Variants in RAD54L2 observed in about 807,000 individuals in gnomAD.
The protein encoded by RAD54L2 is helicase ARIP4.
RAD54L2 carries 27 observed loss-of-function variants against 138.4 expected under a neutral mutation model. That is an observed-to-expected ratio of 0.20 (90% CI 0.14 to 0.27). RAD54L2 has a LOEUF of 0.27. RAD54L2 is among the 10% of genes least tolerant of loss of function. The pLI is 1.00. For synonymous variants in RAD54L2, 644 were observed against 723.2 expected (o/e 0.89, Z 1.76); for missense variants, 1,396 against 1,890.2 (o/e 0.74, Z 4.85).
At chr3:51,600,063 GGACT>G (rs1700047767) in intron 3 of RAD54L2, among the ~76,000 whole-genome samples, 1 of 152,002 alleles carries the variant, frequency 6.6e-6, no homozygotes, top group Non-Finnish European at 1.5e-5. Context: ...CAAGTAGCTG[GGACT>G]GACTATGGGC....
chr3:51,612,708 AAC>A (rs1357624341), intron 3 of RAD54L2, among the ~76,000 whole-genome samples: 1 of 148,458 alleles, frequency 6.7e-6, no homozygotes, highest in East Asian at 2.0e-4. Context: ...AAAAAAAAAA[AAC>A]CTGTAATTTT....
At chr3:51,572,891 G>C (rs992361253) in intron 2 of RAD54L2, among the ~76,000 whole-genome samples, 3 of 151,858 alleles carry the variant, frequency 2.0e-5, no homozygotes, top group African/African-American at 7.3e-5. Flanking sequence ...GCCTGCCTCA[G>C]CCTCCCAAAG....
intron 2 of RAD54L2, among the ~76,000 whole-genome samples, chr3:51,586,594 G>GT (rs1699715066): frequency 6.8e-6 from 1 of 147,304 alleles, no homozygotes; most frequent in Non-Finnish European, 1.5e-5. Context: ...TTGAGATGGA[G>GT]TTTCACTCTT....
At chr3:51,647,855 C>T (rs1577458804) in intron 19 of RAD54L2, among the ~76,000 whole-genome samples, 1 of 151,736 alleles carries the variant, frequency 6.6e-6, no homozygotes, top group East Asian at 1.9e-4. Flanking sequence ...TAAAAACAAA[C>T]AAGCTGCAGC....
chr3:51,589,447 C>T (rs1432413258), intron 2 of RAD54L2, among the ~76,000 whole-genome samples: 2 of 152,126 alleles, frequency 1.3e-5, no homozygotes, highest in Non-Finnish European at 2.9e-5. Flanking sequence ...ACATTGTCTA[C>T]AGTCAAAATC....
At chr3:51,571,055 A>T (rs532177882) in intron 2 of RAD54L2, among the ~76,000 whole-genome samples, 267 of 152,184 alleles carry the variant, frequency 1.8e-3, no homozygotes, top group Non-Finnish European at 3.3e-3. Context: ...TCCTGGCCTC[A>T]GGTGATACAC....
Position 51,587,695 on chromosome 3 carries a change from ACT to A in RAD54L2, c.-54-2669_-54-2668del, listed in dbSNP as rs555714154. On this transcript the variant is annotated intron_variant, in intron 2 of 22. Transcript: ENST00000684192. ...AATTCTTAAGTTCTAGTTTTCCAAAACTCTAAATAATCTAGTTTGCTTTTCTT... is the reference window on the plus strand; with the variant it reads ...AATTCTTAAGTTCTAGTTTTCCAAAACTAAATAATCTAGTTTGCTTTTCTT... 3.5e-3 allele frequency among the ~76,000 whole-genome samples: 524 copies of A among 151,754 alleles called. 3 individuals are homozygous for A. Among genetic ancestry groups the A allele is most frequent in the African/African-American group, 0.012 (491 of 41,388 alleles).
At chr3:51,655,145 T>C (rs1225548355) in intron 19 of RAD54L2, among the ~76,000 whole-genome samples, 5 of 151,936 alleles carry the variant, frequency 3.3e-5, no homozygotes, top group Non-Finnish European at 5.9e-5. Flanking sequence ...CAGAGTGGTA[T>C]AAAAGTGTTA....
At chr3:51,595,010 A>C (rs1699930938) in intron 3 of RAD54L2, among the ~76,000 whole-genome samples, 1 of 151,660 alleles carries the variant, frequency 6.6e-6, no homozygotes, top group South Asian at 2.1e-4. Context: ...GACTACAGGC[A>C]CGCGCCACCA....
intron 1 of RAD54L2, among the ~76,000 whole-genome samples, 99 bp downstream of exon 1, chr3:51,539,014 G>A (rs1553670706): frequency 6.6e-6 from 1 of 152,186 alleles, no homozygotes; most frequent in Non-Finnish European, 1.5e-5. Flanking sequence ...CTGCCATGCA[G>A]TGGCTCGGGG....
rs1181602722 is a variant in RAD54L2 at position 51,565,891 on chromosome 3, C to T, written c.-55+24241C>T. On this transcript the variant is annotated intron_variant, in intron 2 of 22. Coordinates refer to ENST00000684192, the MANE Select transcript of RAD54L2 (RefSeq NM_015106.4). ...TCACCCAGGCTGGAGTGCTGTGGCG[C>T]GATCTCAGCTCACTGCAAGCTCTGC... Among the ~76,000 whole-genome samples the T allele has an allele frequency of 2.8e-5, 4 of 140,564 alleles. No homozygotes were observed. In the Admixed American group the frequency reaches 3.0e-4, roughly 11 times the overall value. The allele number at this position is 140,564 out of a possible 152,430, so 92.2% of individuals were successfully genotyped here. A position where few individuals can be genotyped will look rare whatever the true frequency, so the allele number is the denominator to read the frequency against.
intron 2 of RAD54L2, among the ~76,000 whole-genome samples, chr3:51,582,890 C>T (rs916929949): frequency 2.0e-5 from 3 of 152,076 alleles, no homozygotes; most frequent in South Asian, 2.1e-4. Flanking sequence ...CTCAGCCTCC[C>T]GAGTAGCTGG....
At chr3:51,642,628 A>C (rs911841168) in intron 15 of RAD54L2, among the ~76,000 whole-genome samples, 1 of 152,202 alleles carries the variant, frequency 6.6e-6, no homozygotes, top group Non-Finnish European at 1.5e-5. Context: ...ACTAGATGGC[A>C]GTAGTATCTC....
intron 2 of RAD54L2, among the ~76,000 whole-genome samples, chr3:51,549,712 A>T (rs1171635933): frequency 7.0e-6 from 1 of 143,766 alleles, no homozygotes; most frequent in African/African-American, 2.6e-5. Context: ...TGGAAGGTGG[A>T]GGTTACAGTG....
intron 2 of RAD54L2, among the ~76,000 whole-genome samples, chr3:51,574,761 G>A (rs1699425945): frequency 6.6e-6 from 1 of 151,954 alleles, no homozygotes; most frequent in African/African-American, 2.4e-5. Flanking sequence ...TTGTCAGATG[G>A]GTAGATTGTA....
At chr3:51,607,826 G>A (rs572471284) in intron 3 of RAD54L2, among the ~76,000 whole-genome samples, 1 of 151,056 alleles carries the variant, frequency 6.6e-6, no homozygotes, top group South Asian at 2.1e-4. Context: ...TCACCTCCCA[G>A]ACGGGGCGGC....
At chr3:51,626,752 A>G (rs1223321926) in intron 3 of RAD54L2, among the ~76,000 whole-genome samples, 2 of 151,948 alleles carry the variant, frequency 1.3e-5, no homozygotes, top group African/African-American at 4.8e-5. Flanking sequence ...GCCCCCAACT[A>G]TCTTTTAAGG....
intron 2 of RAD54L2, among the ~76,000 whole-genome samples, chr3:51,553,178 A>C (rs1417990150): frequency 6.6e-6 from 1 of 152,062 alleles, no homozygotes; most frequent in Non-Finnish European, 1.5e-5. Context: ...CCCGAGTTCA[A>C]GTGATTCTCC....
rs1455745043 is a variant in RAD54L2, at chr3:51,645,429, C to G, written c.2657-162C>G. On this transcript the variant is annotated intron_variant, in intron 17 of 22. Transcript: ENST00000684192. This position sits in a 1 kb window ranked among gnomAD's most constrained non-coding sequence, Gnocchi z 6.1. ...TGAAGGTGAGTTTAATGATAACAGCCAAGCTCGTTATACAAGTTTTCCCCT... is the reference window on the plus strand; with the variant it reads ...TGAAGGTGAGTTTAATGATAACAGCGAAGCTCGTTATACAAGTTTTCCCCT... Among the ~76,000 whole-genome samples the G allele has an allele frequency of 2.6e-5, 4 of 152,198 alleles. No individual in the cohort carries two copies. Among genetic ancestry groups the G allele is most frequent in the Admixed American group, 6.5e-5 (1 of 15,282 alleles).
Sources: allele counts gnomAD v4.1 joint callset (sites outside exome capture counted in the v4.1 genomes callset), GRCh38; gene constraint gnomAD v4.1.1; non-coding constraint Gnocchi (gnomAD v3.1); transcripts MANE v1.5; gene names NCBI Gene and HGNC (gene_info 2026-07-23, HGNC 2026-07-21).